PEX11G: variants seen among roughly 807,000 people sequenced by gnomAD.
PEX11G encodes the protein peroxisomal biogenesis factor 11 gamma.
Under a neutral mutation model 22.5 loss-of-function variants are expected in PEX11G, and 20 were observed. The observed-to-expected ratio is 0.89, with a 90% CI of 0.62 to 1.29. The LOEUF (loss-of-function observed/expected upper bound fraction) is 1.29, where lower values mean the gene tolerates loss of function less well. PEX11G is among the 50% of genes most tolerant of loss of function. The pLI is 0.00. For synonymous variants in PEX11G, 141 were observed against 154.5 expected, an observed-to-expected ratio of 0.91 and a Z score of 0.65; for missense variants, 347 against 331.3, an observed-to-expected ratio of 1.05 and a Z score of -0.37.
upstream of PEX11G, chr19:7,489,391 G>A (rs2021823727): frequency 4.8e-6 from 5 of 1,036,546 alleles, no homozygotes; most frequent in East Asian, 9.0e-5. Flanking sequence ...TTTAGTTTTT[G>A]TGCTTCACCT....
chr19:7,494,611 C>T (rs1339182034), intron 1 of PEX11G, among the ~76,000 whole-genome samples: 1 of 152,182 alleles, frequency 6.6e-6, no homozygotes, highest in Non-Finnish European at 1.5e-5. Flanking sequence ...CAGCCCAGCC[C>T]TCCCAGCGTC....
At chr19:7,478,997 G>A (rs1204555101) in intron 3 of PEX11G, among the ~76,000 whole-genome samples, 1 of 152,224 alleles carries the variant, frequency 6.6e-6, no homozygotes, top group Non-Finnish European at 1.5e-5. Context: ...CCAGGCACCT[G>A]CACTCTCCAG....
chr19:7,478,765 C>T (rs1457242627), intron 3 of PEX11G, among the ~76,000 whole-genome samples: 2 of 152,236 alleles, frequency 1.3e-5, no homozygotes, highest in Non-Finnish European at 2.9e-5. Flanking sequence ...GTTTCCCCTC[C>T]GGGCCTCAGC....
At chr19:7,489,924 C>T (rs982286469), upstream of PEX11G, among the ~76,000 whole-genome samples, 2 of 150,148 alleles carry the variant, frequency 1.3e-5, no homozygotes, top group African/African-American at 4.9e-5. Context: ...GTAGCGCCAT[C>T]TCTGCTCACT....
upstream of PEX11G, chr19:7,489,425 T>C (rs1036430330): frequency 9.9e-7 from 1 of 1,008,202 alleles, no homozygotes; most frequent in Admixed American, 6.0e-5. Context: ...TGCCTGCCCG[T>C]AGTGAGCAGG....
upstream of PEX11G, chr19:7,489,051 C>T: frequency 2.7e-6 from 4 of 1,482,608 alleles, no homozygotes; most frequent in Non-Finnish European, 3.6e-6. Flanking sequence ...CGCGCCGCGC[C>T]AGGGGGCGGG....
intron 2 of PEX11G, among the ~76,000 whole-genome samples, chr19:7,485,124 T>C (rs1454761095): frequency 1.3e-5 from 2 of 152,068 alleles, no homozygotes; most frequent in South Asian, 2.1e-4. Context: ...TCCACTGCAC[T>C]CCAGCCTGTA....
intron 2 of PEX11G, among the ~76,000 whole-genome samples, chr19:7,485,157 T>TA (rs149433025): frequency 0.096 from 14,429 of 150,480 alleles, 751 homozygotes; most frequent in South Asian, 0.17. Flanking sequence ...ACCCTGTCTA[T>TA]AAAAAAAATT....
Position 7,476,888 on chromosome 19 carries a change from T to G in PEX11G, c.*314A>C. Reference sequence around the variant, plus strand: ...CCTGAGCCAGGCGCCAGCACCACAATGTTTAATTGATTCCCGTTCCAGCTT... The same window carrying G: ...CCTGAGCCAGGCGCCAGCACCACAAGGTTTAATTGATTCCCGTTCCAGCTT... On this transcript the variant is annotated 3_prime_UTR_variant, in exon 5 of 5. Transcript: ENST00000221480. 2.8e-5 allele frequency: 9 copies of G among 322,664 alleles called. No individual in the cohort carries two copies. Among genetic ancestry groups the G allele is most frequent in the Middle Eastern group, 8.4e-4 (1 of 1,188 alleles). The allele number at this position is 322,664 out of a possible 1,614,324, so 20.0% of individuals were successfully genotyped here.
chr19:7,483,508 CGAG>C (rs755058408), intron 2 of PEX11G, among the ~76,000 whole-genome samples: 3 of 152,300 alleles, frequency 2.0e-5, no homozygotes, highest in Non-Finnish European at 4.4e-5. Flanking sequence ...AAGGGACACT[CGAG>C]GTGCAAGGGC....
At position 7,489,035 on chromosome 19, in the gene PEX11G, C is replaced by T. The variant is rs749086887; in HGVS notation, c.-25G>A. On this transcript the variant is annotated 5_prime_UTR_variant, in exon 1 of 5. Coordinates refer to ENST00000221480, the MANE Select transcript of PEX11G (RefSeq NM_080662.4). ...TGGCAACTCCGTGACGTCACCGCGA[C>T]GTCGGCGCGCCGCGCCAGGGGGCGG... 2.2e-5 allele frequency: 33 copies of T among 1,496,618 alleles called. No individual in the cohort carries two copies. The highest frequency in any genetic ancestry group is 1.8e-4 in the South Asian group (14 of 79,390). 92.7% of individuals were successfully genotyped at this position (1,496,618 alleles called of 1,614,324 possible). A position where few individuals can be genotyped will look rare whatever the true frequency, so the allele number is the denominator to read the frequency against.
upstream of PEX11G, among the ~76,000 whole-genome samples, chr19:7,493,926 G>A: frequency 7.3e-6 from 1 of 137,476 alleles, no homozygotes; most frequent in Non-Finnish European, 1.5e-5. Context: ...TTTTTTTTTA[G>A]AGTCAGAGTC....
At chr19:7,489,060 G>C, upstream of PEX11G, 2 of 1,453,790 alleles carry the variant, frequency 1.4e-6, no homozygotes, top group Non-Finnish European at 1.8e-6. Flanking sequence ...CCAGGGGGCG[G>C]GGCCAGGCCG....
At chr19:7,489,672 C>T (rs372835507), upstream of PEX11G, among the ~76,000 whole-genome samples, 14 of 152,178 alleles carry the variant, frequency 9.2e-5, no homozygotes, top group East Asian at 5.8e-4. Flanking sequence ...AATATGCGAC[C>T]TTGGTGTAGG....
intron 2 of PEX11G, among the ~76,000 whole-genome samples, chr19:7,483,736 A>G (rs1010347004): frequency 2.0e-5 from 3 of 152,058 alleles, no homozygotes; most frequent in Non-Finnish European, 2.9e-5. Flanking sequence ...CGGGGCGGGG[A>G]GCACCTGAGT....
chr19:7,486,700 T>C (rs1175229578), intron 1 of PEX11G, among the ~76,000 whole-genome samples: 1 of 151,468 alleles, frequency 6.6e-6, no homozygotes, highest in Non-Finnish European at 1.5e-5. Flanking sequence ...CCCGGGTTCA[T>C]GCGATTCTCC....
At chr19:7,489,137 C>T, upstream of PEX11G, 7 of 1,243,762 alleles carry the variant, frequency 5.6e-6, no homozygotes, top group South Asian at 9.0e-5. Context: ...CCCTGACCGG[C>T]TTTTTGTCCG....
Position 7,477,208 on chromosome 19 carries a change from G to T in PEX11G, c.720C>A (p.Thr240=). 1 of 1,499,690 alleles carries T rather than the reference G, an allele frequency of 6.7e-7. No individual in the cohort carries two copies. Among genetic ancestry groups the T allele is most frequent in the Non-Finnish European group, 8.9e-7 (1 of 1,127,662 alleles). 92.9% of individuals were successfully genotyped at this position (1,499,690 alleles called of 1,614,324 possible). A position where few individuals can be genotyped will look rare whatever the true frequency, so the allele number is the denominator to read the frequency against. ...CTGTGCTCTTCCGGCAGTGTCAGGG[G>T]GTAGTGGCCTCGGCCTGGCCGCCGG... ...ARAGGQAEAT[T]P Residue 240 remains threonine, a synonymous_variant, in exon 5 of 5, where the codon ACC becomes ACA. Transcript: ENST00000221480.
chr19:7,478,795 G>A (rs1977356635), intron 3 of PEX11G, among the ~76,000 whole-genome samples: 1 of 152,234 alleles, frequency 6.6e-6, no homozygotes, highest in Non-Finnish European at 1.5e-5. Context: ...TGCTCTGTGT[G>A]GAAAGGTCCA....
Sources: gnomAD v4.1 joint callset for allele counts (sites outside exome capture counted in the v4.1 genomes callset) on GRCh38, gnomAD v4.1.1 for gene constraint, MANE v1.5 for transcripts, NCBI Gene and HGNC (gene_info 2026-07-23, HGNC 2026-07-21) for gene names.